CPLX4: variants seen among roughly 807,000 people sequenced by gnomAD.
The protein encoded by CPLX4 is complexin 4.
A neutral mutation model predicts 16.1 loss-of-function variants in CPLX4; 17 were observed. The ratio of observed to expected loss-of-function variants is 1.06; its 90% CI spans 0.72 to 1.59. CPLX4 has a LOEUF of 1.59. Among genes scored for constraint, CPLX4 ranks in the 40% most tolerant of loss-of-function variants. CPLX4 has a pLI of 0.00. For synonymous variants in CPLX4, 55 were observed against 57.8 expected (o/e 0.95, Z 0.22); for missense variants, 193 against 192.9 (o/e 1.00, Z 0.00).
At chr18:59,309,861 AG>A in intron 2 of CPLX4, among the ~76,000 whole-genome samples, 1 of 151,164 alleles carries the variant, frequency 6.6e-6, no homozygotes, top group Non-Finnish European at 1.5e-5. Flanking sequence ...AAAAAAGAGT[AG>A]AAAGAACAAA....
chr18:59,312,617 G>T, intron 2 of CPLX4, 68 bp downstream of exon 2: 1 of 706,078 alleles, frequency 1.4e-6, no homozygotes. Flanking sequence ...ATCCTTTGTG[G>T]ATAATCAACC....
At chr18:59,309,448 G>A (rs1603391890) in intron 2 of CPLX4, among the ~76,000 whole-genome samples, 1 of 152,174 alleles carries the variant, frequency 6.6e-6, no homozygotes, top group Non-Finnish European at 1.5e-5. Flanking sequence ...GACAACACAG[G>A]AGAAATAATA....
At chr18:59,305,590 G>A (rs954397871) in intron 2 of CPLX4, among the ~76,000 whole-genome samples, 1 of 152,144 alleles carries the variant, frequency 6.6e-6, no homozygotes, top group East Asian at 1.9e-4. Flanking sequence ...TGTCGGGAGA[G>A]CCACCCATGG....
chr18:59,305,688 A>G lies in CPLX4; in HGVS notation c.255+6997T>C, dbSNP rs114586137. ...GCTGGTTCTACCTGTGAAGTGTCCAAGGAAAGGTGGCTGCAGTTATGAAAT... is the reference window on the plus strand; with the variant it reads ...GCTGGTTCTACCTGTGAAGTGTCCAGGGAAAGGTGGCTGCAGTTATGAAAT... On this transcript the variant is annotated intron_variant, in intron 2 of 2. Transcript: ENST00000299721. 3.6e-3 allele frequency among the ~76,000 whole-genome samples: 549 copies of G among 152,268 alleles called. 5 individuals are homozygous for G. The highest frequency in any genetic ancestry group is 0.013 in the African/African-American group (522 of 41,548).
rs754802990 is a variant in CPLX4 at position 59,318,450 on chromosome 18, T to C, written c.13A>G (p.Met5Val). 6.2e-7 allele frequency: 1 copy of C among 1,607,392 alleles called. No individual in the cohort carries two copies. Among genetic ancestry groups the C allele is most frequent in the Admixed American group, 1.7e-5 (1 of 58,374 alleles). The change falls in exon 1 of 3, where the codon ATG (methionine) becomes GTG (valine). Residue 5 changes from methionine (M) to valine (V), a missense_variant. Coordinates refer to ENST00000299721, the MANE Select transcript of CPLX4 (RefSeq NM_181654.4). ...ACCTGGTTACTTATCATACTTTTCA[T>C]AAGGAAAGCCATTTTCTCTGCCCCA... MAFL[M>V]KSMISNQVKN...
At position 59,318,532 on chromosome 18, in the gene CPLX4, A is replaced by G. The variant is rs143061337; in HGVS notation, c.-70T>C. On this transcript the variant is annotated 5_prime_UTR_variant, in exon 1 of 3. Coordinates refer to ENST00000299721, the MANE Select transcript of CPLX4 (RefSeq NM_181654.4). ...GAAAAAAAAAATCCAAACAAACCCA[A>G]GAGAAAACCTCCAAATATTCTCAAT... is the stretch of plus-strand genomic sequence containing the variant. 356 of 1,533,634 alleles carry G rather than the reference A, an allele frequency of 2.3e-4. 3 individuals are homozygous for G. The highest frequency in any genetic ancestry group is 1.5e-3 in the South Asian group (117 of 78,200).
chr18:59,304,966 T>C (rs2070567028), intron 2 of CPLX4, among the ~76,000 whole-genome samples: 1 of 146,182 alleles, frequency 6.8e-6, no homozygotes, highest in African/African-American at 2.5e-5. Flanking sequence ...TGTGTGTGTG[T>C]GCAATTTTCT....
At chr18:59,312,860 A>G in intron 1 of CPLX4, 88 bp from the exon 2 acceptor site, 3 of 667,840 alleles carry the variant, frequency 4.5e-6, no homozygotes, top group Non-Finnish European at 7.8e-6. Flanking sequence ...ACAGGGTTAC[A>G]CCTTCTGAGA....
chr18:59,299,807 G>C (rs2070527730), intron 2 of CPLX4, among the ~76,000 whole-genome samples: 1 of 152,140 alleles, frequency 6.6e-6, no homozygotes, highest in African/African-American at 2.4e-5. Context: ...AACATCTTTT[G>C]GGACTTTGCT....
intron 1 of CPLX4, among the ~76,000 whole-genome samples, chr18:59,314,931 A>G (rs2070642415): frequency 6.6e-6 from 1 of 152,242 alleles, no homozygotes; most frequent in Non-Finnish European, 1.5e-5. Flanking sequence ...GAACACCTGA[A>G]TTGTTCCCCA....
intron 2 of CPLX4, among the ~76,000 whole-genome samples, chr18:59,308,561 A>C (rs1357458130): frequency 1.8e-5 from 1 of 54,244 alleles, no homozygotes; most frequent in Admixed American, 2.3e-4. Flanking sequence ...TTTTTTTTTT[A>C]AGTCACCTCT....
At chr18:59,313,767 G>A (rs2070633893) in intron 1 of CPLX4, among the ~76,000 whole-genome samples, 1 of 152,208 alleles carries the variant, frequency 6.6e-6, no homozygotes, top group African/African-American at 2.4e-5. Context: ...GGCTGCTGAG[G>A]AAGAACAAAG....
intron 2 of CPLX4, among the ~76,000 whole-genome samples, chr18:59,312,454 A>C (rs9653089): frequency 0.11 from 16,868 of 147,532 alleles, 1,435 homozygotes; most frequent in African/African-American, 0.24. Flanking sequence ...ATATATATAT[A>C]TCTCCTGAAT....
chr18:59,302,467 GCTAT>G (rs2070548471), intron 2 of CPLX4, among the ~76,000 whole-genome samples: 1 of 152,202 alleles, frequency 6.6e-6, no homozygotes, highest in Non-Finnish European at 1.5e-5. Flanking sequence ...GGACTTATAG[GCTAT>G]ACTTTGTTCT....
Position 59,318,371 on chromosome 18 carries a change from G to C in CPLX4, c.92C>G (p.Ala31Gly). The change falls in exon 1 of 3, where the codon GCA becomes GGA. Residue 31 changes from alanine (A) to glycine (G), a missense_variant. Transcript: ENST00000299721. ...GSEENKEEGG[A>G]SDPAAAQGMT... is the part of the protein sequence containing the mutation. Reference sequence around the variant, plus strand: ...CCCTTGAGCTGCTGCAGGATCAGATGCACCTCCTTCTTCTTTATTTTCTTC... The same window carrying C: ...CCCTTGAGCTGCTGCAGGATCAGATCCACCTCCTTCTTCTTTATTTTCTTC... 6.2e-7 allele frequency: 1 copy of C among 1,613,866 alleles called. No homozygotes were observed. The highest frequency in any genetic ancestry group is 8.5e-7 in the Non-Finnish European group (1 of 1,179,898).
chr18:59,315,813 G>C (rs2070647683), intron 1 of CPLX4, among the ~76,000 whole-genome samples: 1 of 152,128 alleles, frequency 6.6e-6, no homozygotes, highest in Non-Finnish European at 1.5e-5. Flanking sequence ...TGGCGCTTTT[G>C]TTGAAAATCA....
intron 2 of CPLX4, among the ~76,000 whole-genome samples, chr18:59,307,374 G>C (rs953576025): frequency 6.6e-6 from 1 of 152,204 alleles, no homozygotes; most frequent in Non-Finnish European, 1.5e-5. Flanking sequence ...ACCTGAACCT[G>C]TTCTAGGAAA....
chr18:59,300,181 A>T (rs2144179295), intron 2 of CPLX4, among the ~76,000 whole-genome samples: 1 of 152,194 alleles, frequency 6.6e-6, no homozygotes, highest in Admixed American at 6.5e-5. Context: ...AAAATGCAAA[A>T]AATTAGCAGG....
intron 1 of CPLX4, among the ~76,000 whole-genome samples, chr18:59,313,076 C>A (rs1192341428): frequency 6.6e-6 from 1 of 152,112 alleles, no homozygotes; most frequent in African/African-American, 2.4e-5. Context: ...CAGCCAGGGA[C>A]CATGAGCCTC....
Sources: gnomAD v4.1 joint callset for allele counts (sites outside exome capture counted in the v4.1 genomes callset) on GRCh38, gnomAD v4.1.1 for gene constraint, MANE v1.5 for transcripts, NCBI Gene and HGNC (gene_info 2026-07-23, HGNC 2026-07-21) for gene names.